Variants in RPH3A observed in about 807,000 individuals in gnomAD.
The protein encoded by RPH3A is rabphilin 3A, also known as rabphilin-3A.
Under a neutral mutation model 102.2 loss-of-function variants are expected in RPH3A, and 48 were observed. The ratio of observed to expected loss-of-function variants is 0.47; its 90% CI spans 0.37 to 0.60. The LOEUF (loss-of-function observed/expected upper bound fraction) is 0.60, where lower values mean the gene tolerates loss of function less well. Ranked by LOEUF, RPH3A falls within the 20% of genes least tolerant of loss-of-function variation. The probability of loss-of-function intolerance (pLI) is 0.00; values close to 1 mark genes in which losing one functional copy is unlikely to be tolerated. For missense variants in RPH3A, 781 were observed against 910.1 expected (o/e 0.86, Z 1.83); for synonymous variants, 310 against 324.3 (o/e 0.96, Z 0.47).
At chr12:112,883,869 C>A (rs1203434070) in intron 16 of RPH3A, among the ~76,000 whole-genome samples, 1 of 151,896 alleles carries the variant, frequency 6.6e-6, no homozygotes, top group Non-Finnish European at 1.5e-5. Context: ...ATATATATAT[C>A]CACTTTTATT....
At chr12:112,845,153 C>T (rs1460438072) in intron 4 of RPH3A, among the ~76,000 whole-genome samples, 1 of 152,198 alleles carries the variant, frequency 6.6e-6, no homozygotes, top group African/African-American at 2.4e-5. Context: ...GGGGACTACA[C>T]ACAGGAGGGT....
intron 1 of RPH3A, among the ~76,000 whole-genome samples, chr12:112,589,267 C>T (rs1228259972): frequency 6.6e-6 from 1 of 152,092 alleles, no homozygotes; most frequent in Non-Finnish European, 1.5e-5. Context: ...TGTTCTCAGG[C>T]TTCCTCTTAC....
chr12:112,688,126 G>A (rs770930859), intron 1 of RPH3A, among the ~76,000 whole-genome samples: 8 of 152,080 alleles, frequency 5.3e-5, no homozygotes, highest in Non-Finnish European at 8.8e-5. Flanking sequence ...TGACCTTAAC[G>A]TGTTGTTGAA....
intron 4 of RPH3A, among the ~76,000 whole-genome samples, chr12:112,845,513 G>C (rs1026029625): frequency 2.0e-5 from 3 of 152,160 alleles, no homozygotes; most frequent in Non-Finnish European, 4.4e-5. Flanking sequence ...CGAACAGGGG[G>C]CCCTGAAGCT....
intron 5 of RPH3A, among the ~76,000 whole-genome samples, chr12:112,852,058 A>G (rs184364881): frequency 6.6e-6 from 1 of 152,118 alleles, no homozygotes; most frequent in Non-Finnish European, 1.5e-5. Flanking sequence ...GCTTCAGGGG[A>G]CGTGGGCTAG....
chr12:112,591,647 G>C (rs2039479754), intron 1 of RPH3A: 1 of 152,252 alleles, frequency 6.6e-6, no homozygotes, highest in Admixed American at 6.5e-5. Context: ...TGGGAATTGT[G>C]TGGCTCCATT....
rs564871802 is a variant in RPH3A at position 112,703,179 on chromosome 12, C to A, written c.-139-88964C>A. ...GACATGCTTGGGGTAGTTGTTGGTC[C>A]AAGAAAGATGAGAGACAGGTGGAGT... On this transcript the variant is annotated intron_variant, in intron 1 of 21. Transcript: ENST00000543106. 2.0e-5 allele frequency among the ~76,000 whole-genome samples: 3 copies of A among 152,238 alleles called. No homozygotes were observed. The East Asian group carries it at 5.8e-4, about 29-fold the overall frequency.
At chr12:112,789,524 G>A (rs771875564), upstream of RPH3A, among the ~76,000 whole-genome samples, 24 of 152,254 alleles carry the variant, frequency 1.6e-4, no homozygotes, top group Non-Finnish European at 3.1e-4. Context: ...CTTGAGCAAG[G>A]AATTTTATTT....
chr12:112,711,528 A>G (rs2040461914), intron 1 of RPH3A, among the ~76,000 whole-genome samples: 1 of 152,218 alleles, frequency 6.6e-6, no homozygotes, highest in African/African-American at 2.4e-5. Context: ...ATTACTTGGC[A>G]TAGATGTTTT....
At chr12:112,818,307 T>TA (rs745954372) in intron 2 of RPH3A, among the ~76,000 whole-genome samples, 2,304 of 43,854 alleles carry the variant, frequency 0.053, 81 homozygotes, top group African/African-American at 0.15. Flanking sequence ...TCAAGAAGAA[T>TA]AAAAAAAAAA....
chr12:112,577,025 C>T (rs1379861931), intron 1 of RPH3A, among the ~76,000 whole-genome samples: 1 of 150,870 alleles, frequency 6.6e-6, no homozygotes, highest in East Asian at 2.0e-4. Context: ...TCTGCCTCAG[C>T]CTCCTGGGAA....
At chr12:112,601,130 G>T (rs1400375527) in intron 1 of RPH3A, among the ~76,000 whole-genome samples, 1 of 152,188 alleles carries the variant, frequency 6.6e-6, no homozygotes, top group Non-Finnish European at 1.5e-5. Context: ...GGTGAGATTT[G>T]GGTGGGGACA....
At chr12:112,831,525 T>G (rs1041130425) in intron 3 of RPH3A, among the ~76,000 whole-genome samples, 1 of 152,054 alleles carries the variant, frequency 6.6e-6, no homozygotes, top group Non-Finnish European at 1.5e-5. Context: ...TTTATTTAAC[T>G]CCATATATTA....
At chr12:112,787,748 A>G (rs2041061307), upstream of RPH3A, among the ~76,000 whole-genome samples, 1 of 152,188 alleles carries the variant, frequency 6.6e-6, no homozygotes, top group Non-Finnish European at 1.5e-5. Context: ...TCATCCTGAA[A>G]TGGGATTGTT....
At chr12:112,857,461 G>C (rs2042429685) in intron 5 of RPH3A, among the ~76,000 whole-genome samples, 1 of 152,134 alleles carries the variant, frequency 6.6e-6, no homozygotes, top group South Asian at 2.1e-4. Flanking sequence ...CCTATGAGAG[G>C]GAACAGGAAG....
chr12:112,819,096 ATG>A (rs1056630553), intron 2 of RPH3A, among the ~76,000 whole-genome samples: 4 of 151,556 alleles, frequency 2.6e-5, no homozygotes, highest in Non-Finnish European at 5.9e-5. Context: ...AGATATATAT[ATG>A]TGTGTGTGTG....
chr12:112,862,327 G>T (rs1466406331), intron 5 of RPH3A, among the ~76,000 whole-genome samples: 1 of 152,196 alleles, frequency 6.6e-6, no homozygotes, highest in Non-Finnish European at 1.5e-5. Context: ...ACTACTTGAA[G>T]TCAGGAGGTT....
chr12:112,845,458 T>C (rs562255912), intron 4 of RPH3A, among the ~76,000 whole-genome samples: 2 of 152,302 alleles, frequency 1.3e-5, no homozygotes, highest in South Asian at 2.1e-4. Flanking sequence ...CCTGATAACA[T>C]GACCATTGCT....
chr12:112,713,094 C>T (rs868584105), intron 1 of RPH3A, among the ~76,000 whole-genome samples: 3 of 109,530 alleles, frequency 2.7e-5, no homozygotes, highest in Non-Finnish European at 4.0e-5. Context: ...TCTTCTTCTT[C>T]TTCTTCTTTT....
Sources: allele counts gnomAD v4.1 joint callset (sites outside exome capture counted in the v4.1 genomes callset), GRCh38; gene constraint gnomAD v4.1.1; transcripts MANE v1.5; gene names NCBI Gene and HGNC (gene_info 2026-07-23, HGNC 2026-07-21).